The following OSBPL10 variants were observed in gnomAD, a reference collection of about 807,000 sequenced individuals.
The protein encoded by OSBPL10 is oxysterol-binding protein-related protein 10.
OSBPL10 carries 49 observed loss-of-function variants against 81.7 expected under a neutral mutation model. The ratio of observed to expected loss-of-function variants is 0.60; its 90% CI spans 0.48 to 0.76. The LOEUF is 0.76. OSBPL10 is among the 30% of genes least tolerant of loss of function. The pLI, the probability that OSBPL10 is intolerant of heterozygous loss-of-function variation, is 0.00. For missense variants in OSBPL10, 923 were observed against 987.8 expected (o/e 0.93, Z 0.88); for synonymous variants, 419 against 383.6 (o/e 1.09, Z -1.08).
rs1403587806 is a variant in OSBPL10, at chr3:31,830,051, C to T, written c.718G>A (p.Glu240Lys). The T allele has an allele frequency of 4.3e-6, 7 of 1,612,854 alleles. No homozygotes were observed. The highest frequency in any genetic ancestry group is 1.8e-4 in the Middle Eastern group (1 of 5,586). The change falls in exon 4 of 12, where the codon GAA (glutamate) becomes AAA (lysine). Residue 240 changes from glutamate (E) to lysine (K), a missense_variant. Physicochemically the swap from Glu to Lys is moderately conservative, Grantham distance 56. This residue lies in a region of OSBPL10 where 514 missense variants were observed against 508.0 expected (regional missense o/e 1.01). Transcript: ENST00000396556. ...AGAGCAAAGCCTACCTCTCTGACTTCGTGAAGCTGGCCGGAATACTGACTC... is the reference window on the plus strand; with the variant it reads ...AGAGCAAAGCCTACCTCTCTGACTTTGTGAAGCTGGCCGGAATACTGACTC... ...AKSQYSGQLH[E>K]VREMMNQVEG... is the part of the protein sequence containing the mutation.
intron 5 of OSBPL10, among the ~76,000 whole-genome samples, chr3:31,737,679 G>T (rs1697223846): frequency 6.6e-6 from 1 of 152,096 alleles, no homozygotes; most frequent in Non-Finnish European, 1.5e-5. Context: ...AGACACAGAT[G>T]ACAATCATGA....
chr3:31,697,938 A>AT (rs1466212911), intron 7 of OSBPL10, among the ~76,000 whole-genome samples: 2 of 151,806 alleles, frequency 1.3e-5, no homozygotes, highest in East Asian at 2.0e-4. Flanking sequence ...AATTTTTTGT[A>AT]TTTTTAGTAG....
intron 1 of OSBPL10, among the ~76,000 whole-genome samples, chr3:31,887,740 C>G (rs1379264688): frequency 6.6e-6 from 1 of 152,138 alleles, no homozygotes; most frequent in Non-Finnish European, 1.5e-5. Context: ...GATCCTACAG[C>G]CAAAACCTTA....
intron 1 of OSBPL10, among the ~76,000 whole-genome samples, chr3:31,946,148 T>C (rs937298739): frequency 6.6e-5 from 10 of 151,888 alleles, no homozygotes; most frequent in African/African-American, 2.4e-4. Flanking sequence ...GCCCGGCTAA[T>C]TTTTGTATTT....
chr3:31,896,921 C>T (rs4605586), intron 1 of OSBPL10, among the ~76,000 whole-genome samples: 37,074 of 151,970 alleles, frequency 0.24, 5,065 homozygotes, highest in East Asian at 0.5. Flanking sequence ...TCTCTCGCCA[C>T]GTCATCTCAT....
At chr3:31,671,838 T>C (rs1358175084) in intron 8 of OSBPL10, among the ~76,000 whole-genome samples, 2 of 152,174 alleles carry the variant, frequency 1.3e-5, no homozygotes, top group Non-Finnish European at 2.9e-5. Flanking sequence ...AGGACTGCCG[T>C]AGAGTTGTAT....
chr3:31,788,877 G>T (rs1037630403), intron 4 of OSBPL10, among the ~76,000 whole-genome samples: 1 of 151,710 alleles, frequency 6.6e-6, no homozygotes, highest in African/African-American at 2.4e-5. Context: ...GCATGAGGAA[G>T]AAAAAATAAA....
chr3:31,833,693 G>GCACA (rs751246163), intron 3 of OSBPL10, among the ~76,000 whole-genome samples: 31 of 132,972 alleles, frequency 2.3e-4, no homozygotes, highest in South Asian at 1.2e-3. Context: ...GGGAAAACAC[G>GCACA]CACACGCACA....
At chr3:31,726,217 A>G (rs1425316806) in intron 6 of OSBPL10, among the ~76,000 whole-genome samples, 1 of 152,110 alleles carries the variant, frequency 6.6e-6, no homozygotes, top group African/African-American at 2.4e-5. Flanking sequence ...CAGTTACAGG[A>G]CTTGGAGTAG....
intron 1 of OSBPL10, among the ~76,000 whole-genome samples, chr3:31,976,467 T>C (rs931478350): frequency 6.6e-6 from 1 of 152,206 alleles, no homozygotes; most frequent in African/African-American, 2.4e-5. Flanking sequence ...AAATGTCTAC[T>C]TTAGAGACAG....
rs2125666570 is a variant in OSBPL10 at position 31,733,372 on chromosome 3, G to A, written c.980C>T (p.Thr327Ile). The change falls in exon 6 of 12, where the codon ACA becomes ATA. Residue 327 changes from threonine to isoleucine, a missense_variant. Physicochemically the swap from Thr to Ile is moderately conservative, Grantham distance 89. This residue lies in a region of OSBPL10 where 514 missense variants were observed against 508.0 expected (regional missense o/e 1.01). Coordinates refer to ENST00000396556, the MANE Select transcript of OSBPL10 (RefSeq NM_017784.5). ...AAGTGTCCCATTTTTCAGCTGCTCT[G>A]TGGAATGTGACTTGGACCCGTGCCA... ...LGWHGSKSHS[T>I]EQLKNGTLGS... 6.2e-7 allele frequency: 1 copy of A among 1,614,148 alleles called. No individual in the cohort carries two copies. The highest frequency in any genetic ancestry group is 2.2e-5 in the East Asian group (1 of 44,882).
At chr3:32,069,998 C>T (rs763197390) in intron 1 of OSBPL10, among the ~76,000 whole-genome samples, 1 of 152,216 alleles carries the variant, frequency 6.6e-6, no homozygotes, top group Non-Finnish European at 1.5e-5. Flanking sequence ...GCCGCTGCTT[C>T]TAAAGCCTCT....
At chr3:31,668,899 T>G in intron 9 of OSBPL10, 75 bp from the exon 10 acceptor site, 5 of 1,311,798 alleles carry the variant, frequency 3.8e-6, no homozygotes, top group Admixed American at 2.6e-5. Context: ...CACCCATCTC[T>G]AGAGATTTTT....
intron 5 of OSBPL10, among the ~76,000 whole-genome samples, chr3:31,736,075 AAGAC>A (rs1291330162): frequency 6.6e-6 from 1 of 152,158 alleles, no homozygotes; most frequent in Non-Finnish European, 1.5e-5. Flanking sequence ...GGCCAAAAGA[AAGAC>A]ATAGAATAGA....
At chr3:31,794,627 C>T in intron 4 of OSBPL10, 1 of 340,960 alleles carries the variant, frequency 2.9e-6, no homozygotes, top group Non-Finnish European at 5.9e-6. Context: ...CTTTTATCTT[C>T]CCTGGGTTGT....
chr3:31,776,796 G>C (rs1698560049), intron 4 of OSBPL10, among the ~76,000 whole-genome samples: 1 of 152,130 alleles, frequency 6.6e-6, no homozygotes, highest in Non-Finnish European at 1.5e-5. Context: ...GGAGGGAAGG[G>C]AGGGCTGACT....
intron 1 of OSBPL10, among the ~76,000 whole-genome samples, chr3:32,048,416 G>A (rs567289948): frequency 1.3e-5 from 2 of 149,926 alleles, no homozygotes; most frequent in African/African-American, 4.9e-5. Context: ...CAAGTGATTC[G>A]CCTGCCTCAG....
rs1291343147 is a variant in OSBPL10 at position 32,003,613 on chromosome 3, G to A, written n.298+42878C>T. On this transcript the variant is annotated intron_variant and non_coding_transcript_variant, in intron 2 of 3. Transcript: ENST00000479173. ...TGGTATCATTCAAGGTCCTGGGAGG[G>A]AACAGACTGCACAGTGAAACAGGAT... is the stretch of plus-strand genomic sequence containing the variant. Among the ~76,000 whole-genome samples, 8 of 152,308 alleles carry A rather than the reference G, an allele frequency of 5.3e-5. No homozygotes were observed. The South Asian group carries it at 8.3e-4, about 16-fold the overall frequency.
intron 4 of OSBPL10, among the ~76,000 whole-genome samples, chr3:31,780,109 G>C (rs1006660486): frequency 6.6e-6 from 1 of 152,080 alleles, no homozygotes; most frequent in Non-Finnish European, 1.5e-5. Context: ...TGGCTAACAC[G>C]GTGAAACCCC....
Sources: allele counts gnomAD v4.1 joint callset (sites outside exome capture counted in the v4.1 genomes callset), GRCh38; gene constraint gnomAD v4.1.1; regional missense constraint gnomAD v4.1.1; transcripts MANE v1.5; gene names NCBI Gene and HGNC (gene_info 2026-07-23, HGNC 2026-07-21).